Variants in CELF2 observed in about 807,000 individuals in gnomAD.
CELF2 encodes CUG triplet repeat RNA-binding protein 2.
Under a neutral mutation model 62.6 loss-of-function variants are expected in CELF2, and 8 were observed. The observed-to-expected ratio is 0.13, with a 90% CI of 0.07 to 0.23. CELF2 has a LOEUF of 0.23. Among genes scored for constraint, CELF2 ranks in the 10% least tolerant of loss-of-function variants. CELF2 has a pLI of 1.00. For synonymous variants in CELF2, 258 were observed against 250.0 expected, an observed-to-expected ratio of 1.03 and a Z score of -0.30; for missense variants, 333 against 671.0, an observed-to-expected ratio of 0.50 and a Z score of 5.56.
intron 2 of CELF2, among the ~76,000 whole-genome samples, chr10:11,189,509 G>C (rs55946325): frequency 0.13 from 19,172 of 152,006 alleles, 1,261 homozygotes; most frequent in Middle Eastern, 0.17. Context: ...CCCCTCACCT[G>C]TTCTTCCCTT....
chr10:10,685,474 AT>A, the CELF2 span, among the ~76,000 whole-genome samples: 30 of 152,344 alleles, frequency 2.0e-4, no homozygotes, highest in South Asian at 2.3e-3. Flanking sequence ...GCCGTAACTT[AT>A]AATGACAATG....
At chr10:10,861,009 CTCCTAGGCTCAAGCAGTCT>C (rs528747010) in intron 1 of CELF2, among the ~76,000 whole-genome samples, 102 of 152,284 alleles carry the variant, frequency 6.7e-4, no homozygotes, top group African/African-American at 2.4e-3. Flanking sequence ...CAGCCTTGAA[CTCCTAGGCTCAAGCAGTCT>C]TCCTGCCTCA....
At position 11,012,577 on chromosome 10, in the gene CELF2, C is replaced by T. The variant is rs912975109; in HGVS notation, c.53+7137C>T. On this transcript the variant is annotated intron_variant, in intron 1 of 12. Transcript: ENST00000416382. This position sits in a 1 kb window ranked among gnomAD's most constrained non-coding sequence, Gnocchi z 5.5. The stretch of plus-strand genomic sequence containing the variant: ...CTGCCTTCTCCGGGACCGAATGTTA[C>T]GCCTGCAACTGTGTCCTCCCAGCTG... 2.6e-5 allele frequency among the ~76,000 whole-genome samples: 4 copies of T among 152,176 alleles called. No homozygotes were observed. Among genetic ancestry groups the T allele is most frequent in the African/African-American group, 7.2e-5 (3 of 41,434 alleles).
chr10:10,583,944 T>A, the CELF2 span, among the ~76,000 whole-genome samples: 3 of 152,076 alleles, frequency 2.0e-5, no homozygotes, highest in African/African-American at 7.2e-5. Flanking sequence ...TGGAAAGGTG[T>A]CTAAAAAGGA....
intron 1 of CELF2, among the ~76,000 whole-genome samples, chr10:10,808,363 G>A (rs2055460406): frequency 6.6e-6 from 1 of 152,106 alleles, no homozygotes; most frequent in Admixed American, 6.5e-5. Flanking sequence ...TGCTTTTCAT[G>A]AATTTCCACC....
At chr10:10,525,692 G>T in the CELF2 span, among the ~76,000 whole-genome samples, 1 of 152,130 alleles carries the variant, frequency 6.6e-6, no homozygotes, top group African/African-American at 2.4e-5. Flanking sequence ...AATAGTATTG[G>T]GTTTTGCATA....
chr10:10,656,765 A>T, the CELF2 span, among the ~76,000 whole-genome samples: 1 of 137,322 alleles, frequency 7.3e-6, no homozygotes, highest in Non-Finnish European at 1.6e-5. Context: ...AGATATACCT[A>T]ATGCTAGATG....
chr10:10,597,986 A>G, the CELF2 span, among the ~76,000 whole-genome samples: 974 of 152,222 alleles, frequency 6.4e-3, 12 homozygotes, highest in African/African-American at 0.023. Flanking sequence ...TAAGGACACT[A>G]CCTCTTTGTG....
At chr10:11,200,888 T>C (rs1476339058) in intron 2 of CELF2, among the ~76,000 whole-genome samples, 1 of 152,236 alleles carries the variant, frequency 6.6e-6, no homozygotes, top group Non-Finnish European at 1.5e-5. Context: ...GCAAATGAAA[T>C]TTGAGAATTG....
In CELF2 at chr10:10,931,369, G is replaced by C. The variant is rs894609644; in HGVS notation, c.89+11370G>C. The stretch of plus-strand genomic sequence containing the variant: ...TCTGCTTGTCATGCTGGCTGGGGGT[G>C]GGGGGTGTAACTTTAAGGAATAATG... On this transcript the variant is annotated intron_variant, in intron 2 of 13. Coordinates refer to the CELF2 transcript ENST00000636488. The surrounding 1 kb of genome is among the most constrained non-coding windows in gnomAD (Gnocchi z 6.1). Among the ~76,000 whole-genome samples the C allele has an allele frequency of 2.0e-5, 3 of 152,036 alleles. No homozygotes were observed. The highest frequency in any genetic ancestry group is 7.2e-5 in the African/African-American group (3 of 41,418).
chr10:10,568,590 T>C, the CELF2 span, among the ~76,000 whole-genome samples: 174 of 152,236 alleles, frequency 1.1e-3, no homozygotes, highest in African/African-American at 3.9e-3. Context: ...AGATCTGAAG[T>C]TGACTTTGCC....
At chr10:11,113,727 G>A (rs928873319) in intron 1 of CELF2, among the ~76,000 whole-genome samples, 10 of 152,166 alleles carry the variant, frequency 6.6e-5, no homozygotes, top group African/African-American at 2.2e-4. Context: ...CTCGACCTGG[G>A]TTCCCAGCGG....
the CELF2 span, among the ~76,000 whole-genome samples, chr10:10,553,525 C>G: frequency 6.6e-6 from 1 of 152,094 alleles, no homozygotes; most frequent in Admixed American, 6.5e-5. Flanking sequence ...ACAACTCAGT[C>G]CACAGCACCT....
chr10:10,503,938 A>C, the CELF2 span, among the ~76,000 whole-genome samples: 1 of 152,024 alleles, frequency 6.6e-6, no homozygotes, highest in Non-Finnish European at 1.5e-5. Context: ...TACATGATAT[A>C]TTAAAAGCTT....
At chr10:11,279,537 A>G (rs894122894) in intron 8 of CELF2, among the ~76,000 whole-genome samples, 3 of 152,208 alleles carry the variant, frequency 2.0e-5, no homozygotes, top group Non-Finnish European at 2.9e-5. Flanking sequence ...AGTCTCCAGC[A>G]GTCCACACTG....
chr10:11,158,517 G>C (rs1026788702), intron 1 of CELF2, among the ~76,000 whole-genome samples: 8 of 152,072 alleles, frequency 5.3e-5, no homozygotes, highest in African/African-American at 1.4e-4. Flanking sequence ...AGAAGGAAAT[G>C]AGTTGCCTGG....
At chr10:10,511,993 T>A in the CELF2 span, among the ~76,000 whole-genome samples, 20 of 152,212 alleles carry the variant, frequency 1.3e-4, no homozygotes, top group Non-Finnish European at 2.5e-4. Flanking sequence ...TCAACTGATA[T>A]CTGTTGAACT....
chr10:10,537,930 A>T, the CELF2 span, among the ~76,000 whole-genome samples: 1 of 152,110 alleles, frequency 6.6e-6, no homozygotes, highest in Non-Finnish European at 1.5e-5. Flanking sequence ...TGGCCGCGGG[A>T]GCCTGATTAG....
At chr10:10,922,884 T>A (rs1403123345) in intron 2 of CELF2, 1 of 152,198 alleles carries the variant, frequency 6.6e-6, no homozygotes, top group Non-Finnish European at 1.5e-5. Context: ...AGGGGCAGTT[T>A]GAGACATAGC....
Sources: allele counts gnomAD v4.1 joint callset (sites outside exome capture counted in the v4.1 genomes callset), GRCh38; gene constraint gnomAD v4.1.1; non-coding constraint Gnocchi (gnomAD v3.1); transcripts MANE v1.5; gene names NCBI Gene and HGNC (gene_info 2026-07-23, HGNC 2026-07-21).